The following KLF12 variants were observed in gnomAD, a reference collection of about 807,000 sequenced individuals.
KLF12 encodes KLF transcription factor 12.
KLF12 carries 9 observed loss-of-function variants against 37.8 expected under a neutral mutation model. The ratio of observed to expected loss-of-function variants is 0.24; its 90% CI spans 0.14 to 0.42. The LOEUF (loss-of-function observed/expected upper bound fraction) is 0.42, where lower values mean the gene tolerates loss of function less well. Ranked by LOEUF, KLF12 falls within the 10% of genes least tolerant of loss-of-function variation. The probability of loss-of-function intolerance (pLI) is 1.00; values close to 1 mark genes in which losing one functional copy is unlikely to be tolerated. For missense variants in KLF12, 411 were observed against 516.0 expected (o/e 0.80, Z 1.97); for synonymous variants, 208 against 202.1 (o/e 1.03, Z -0.25).
chr13:74,289,988 A>G, the KLF12 span, among the ~76,000 whole-genome samples: 1 of 152,168 alleles, frequency 6.6e-6, no homozygotes, highest in African/African-American at 2.4e-5. Flanking sequence ...ATATAACAGT[A>G]ACAGGATACA....
intron 1 of KLF12, among the ~76,000 whole-genome samples, chr13:74,100,506 T>C (rs988918711): frequency 6.6e-6 from 1 of 152,004 alleles, no homozygotes; most frequent in African/African-American, 2.4e-5. Flanking sequence ...TAATCCCAGC[T>C]ACTTGGGAGG....
the KLF12 span, among the ~76,000 whole-genome samples, chr13:74,229,346 A>G: frequency 6.6e-6 from 1 of 152,210 alleles, no homozygotes; most frequent in South Asian, 2.1e-4. Context: ...ATCCTGGCCA[A>G]AAACAAGTCC....
At chr13:73,804,618 GT>G (rs1324753370) in intron 5 of KLF12, among the ~76,000 whole-genome samples, 2 of 151,974 alleles carry the variant, frequency 1.3e-5, no homozygotes, top group African/African-American at 4.8e-5. Context: ...TATACTTTAG[GT>G]TTTATCTACA....
At chr13:74,196,917 G>C in the KLF12 span, among the ~76,000 whole-genome samples, 1 of 152,076 alleles carries the variant, frequency 6.6e-6, no homozygotes, top group Non-Finnish European at 1.5e-5. Flanking sequence ...AATTTAAAAT[G>C]TGCATGCATG....
chr13:73,695,499 C>T lies in KLF12; in HGVS notation c.1200G>A (p.Met400Ile). ...GGACAGGTAGCATTCCTCACACCAA[C>T]ATATGCCTCCGGCGGTGCAGGGCCA... Residue 400 changes from methionine to isoleucine, a missense_variant, in exon 8 of 8, where the codon ATG becomes ATA. Around this residue, in one of 2 missense-constraint regions of KLF12, gnomAD observed 60 missense variants for 118.2 expected, o/e 0.51. Transcript: ENST00000377669. 6.2e-7 allele frequency: 1 copy of T among 1,613,816 alleles called. No individual in the cohort carries two copies. Among genetic ancestry groups the T allele is most frequent in the Middle Eastern group, 1.7e-4 (1 of 5,874 alleles).
At chr13:74,022,819 C>A (rs2138433780) in intron 1 of KLF12, among the ~76,000 whole-genome samples, 1 of 151,582 alleles carries the variant, frequency 6.6e-6, no homozygotes, top group Non-Finnish European at 1.5e-5. Flanking sequence ...AAAGAAAGAA[C>A]ACAGTACAGA....
intron 4 of KLF12, among the ~76,000 whole-genome samples, chr13:73,839,069 ATCTT>A (rs929956401): frequency 6.7e-6 from 1 of 149,864 alleles, no homozygotes; most frequent in African/African-American, 2.5e-5. Flanking sequence ...TTCTCCCCAG[ATCTT>A]TATTTGGCTA....
chr13:74,225,443 A>G, the KLF12 span, among the ~76,000 whole-genome samples: 1 of 152,152 alleles, frequency 6.6e-6, no homozygotes, highest in Non-Finnish European at 1.5e-5. Context: ...CTAAATCTCC[A>G]TGAGATTTAT....
At chr13:74,286,400 T>G in the KLF12 span, among the ~76,000 whole-genome samples, 1 of 152,172 alleles carries the variant, frequency 6.6e-6, no homozygotes, top group African/African-American at 2.4e-5. Context: ...ATTCATGACA[T>G]TTCAAAATAT....
intron 1 of KLF12, among the ~76,000 whole-genome samples, chr13:74,025,783 A>C (rs1242110104): frequency 6.6e-6 from 1 of 152,152 alleles, no homozygotes. Context: ...AATGAAACAC[A>C]TTTGACTGAC....
chr13:73,746,809 C>CTTTTT (rs1566338130), intron 6 of KLF12, among the ~76,000 whole-genome samples: 2 of 119,182 alleles, frequency 1.7e-5, no homozygotes, highest in African/African-American at 7.8e-5. Context: ...CTCCCTCCCT[C>CTTTTT]CTTTTTTTTT....
intron 2 of KLF12, among the ~76,000 whole-genome samples, chr13:73,971,388 A>T (rs777806372): frequency 6.6e-6 from 1 of 152,202 alleles, no homozygotes; most frequent in Non-Finnish European, 1.5e-5. Context: ...CCTCTAATGC[A>T]GGCACAGTAA....
At chr13:74,152,050 C>T in the KLF12 span, among the ~76,000 whole-genome samples, 2 of 152,088 alleles carry the variant, frequency 1.3e-5, no homozygotes, top group African/African-American at 2.4e-5. Context: ...TTTCCAAGCA[C>T]GAGGGTGGCC....
chr13:73,861,495 C>CAGGT (rs1427019847), intron 3 of KLF12, among the ~76,000 whole-genome samples: 1 of 152,148 alleles, frequency 6.6e-6, no homozygotes, highest in Non-Finnish European at 1.5e-5. Context: ...TTATTAATGG[C>CAGGT]AGGTAATGTG....
intron 2 of KLF12, among the ~76,000 whole-genome samples, chr13:73,968,729 G>C (rs61093123): frequency 0.045 from 6,889 of 152,134 alleles, 326 homozygotes; most frequent in African/African-American, 0.12. Context: ...TAATTTATTC[G>C]TCTTTTATTT....
At chr13:73,772,814 T>C (rs1002374264) in intron 5 of KLF12, among the ~76,000 whole-genome samples, 3 of 152,084 alleles carry the variant, frequency 2.0e-5, no homozygotes, top group Non-Finnish European at 4.4e-5. Flanking sequence ...CAGGAGGCCA[T>C]GGGAGGACAC....
chr13:73,872,508 G>A (rs1820598894), intron 3 of KLF12, among the ~76,000 whole-genome samples: 1 of 152,186 alleles, frequency 6.6e-6, no homozygotes, highest in African/African-American at 2.4e-5. Context: ...GCAATGGGAA[G>A]ACAGTGAGAT....
At chr13:74,154,333 C>T in the KLF12 span, among the ~76,000 whole-genome samples, 3 of 152,090 alleles carry the variant, frequency 2.0e-5, no homozygotes, top group African/African-American at 7.2e-5. Context: ...TATTATCCTC[C>T]TTTTATCCCA....
At chr13:73,922,760 T>C (rs1245615952) in intron 3 of KLF12, among the ~76,000 whole-genome samples, 1 of 152,180 alleles carries the variant, frequency 6.6e-6, no homozygotes, top group Non-Finnish European at 1.5e-5. Context: ...CTTCAGCTAA[T>C]CCAAAACCCT....
Sources: gnomAD v4.1 joint callset for allele counts (sites outside exome capture counted in the v4.1 genomes callset) on GRCh38, gnomAD v4.1.1 for gene constraint, gnomAD v4.1.1 regional missense constraint, MANE v1.5 for transcripts, NCBI Gene and HGNC (gene_info 2026-07-23, HGNC 2026-07-21) for gene names.